The following NLGN1 variants were observed in gnomAD, a reference collection of about 807,000 sequenced individuals.
NLGN1 encodes neuroligin-1.
In NLGN1, 12 loss-of-function variants were observed where a neutral mutation model predicts 65.5. The ratio of observed to expected loss-of-function variants is 0.18; its 90% CI spans 0.12 to 0.30. The LOEUF is 0.30. NLGN1 is among the 10% of genes least tolerant of loss of function. The pLI is 1.00. For synonymous variants in NLGN1, 350 were observed against 359.5 expected (o/e 0.97, Z 0.30); for missense variants, 750 against 1,007.1 (o/e 0.74, Z 3.46).
At chr3:174,104,571 T>G (rs1369825901) in intron 4 of NLGN1, among the ~76,000 whole-genome samples, 1 of 152,122 alleles carries the variant, frequency 6.6e-6, no homozygotes, top group Non-Finnish European at 1.5e-5. Flanking sequence ...GTAGGAACAT[T>G]AAATGTAATC....
intron 2 of NLGN1, among the ~76,000 whole-genome samples, chr3:173,539,662 T>TGCACATATATACATATATGTGC (rs1738225896): frequency 2.6e-5 from 3 of 116,134 alleles, no homozygotes; most frequent in African/African-American, 1.3e-4. Context: ...CATATGTGTA[T>TGCACATATATACATATATGTGC]ATATGCACAT....
chr3:173,531,590 C>CACACACACACAT lies in NLGN1; in HGVS notation c.-320-72689_-320-72688insACACACACACAT, dbSNP rs760049826. 6.0e-3 allele frequency among the ~76,000 whole-genome samples: 914 copies of CACACACACACAT among 151,764 alleles called. 3 individuals are homozygous for CACACACACACAT. The highest frequency in any genetic ancestry group is 9.8e-3 in the Non-Finnish European group (667 of 67,878). On this transcript the variant is annotated intron_variant, in intron 2 of 6. Coordinates refer to ENST00000457714, the Ensembl canonical transcript of NLGN1. Reference sequence around the variant, plus strand: ...ACACACACACACACACACACACACACTTCTATGGAAATCATGTTATTAGTC... The same window carrying CACACACACACAT: ...ACACACACACACACACACACACACACACACACACACATTTCTATGGAAATCATGTTATTAGTC...
intron 4 of NLGN1, among the ~76,000 whole-genome samples, chr3:173,950,688 C>T (rs989848456): frequency 6.6e-6 from 1 of 150,770 alleles, no homozygotes; most frequent in South Asian, 2.1e-4. Context: ...TGGTGCACAC[C>T]TATAATCCCA....
At chr3:173,925,844 G>A (rs1369752553) in intron 4 of NLGN1, among the ~76,000 whole-genome samples, 1 of 151,990 alleles carries the variant, frequency 6.6e-6, no homozygotes, top group Admixed American at 6.6e-5. Flanking sequence ...TTAAGAAATA[G>A]AACATTACAG....
chr3:174,123,837 A>T (rs940197016), intron 4 of NLGN1, among the ~76,000 whole-genome samples: 20 of 152,104 alleles, frequency 1.3e-4, no homozygotes, highest in African/African-American at 4.3e-4. Context: ...TTATTAATAT[A>T]TCCTATGTAC....
chr3:173,719,633 C>T (rs1016869749), intron 3 of NLGN1, among the ~76,000 whole-genome samples: 1 of 152,094 alleles, frequency 6.6e-6, no homozygotes, highest in Non-Finnish European at 1.5e-5. Flanking sequence ...CAGTGTCCCA[C>T]AAAAAACCTC....
At chr3:173,541,448 T>G (rs1045505207) in intron 2 of NLGN1, among the ~76,000 whole-genome samples, 2 of 152,146 alleles carry the variant, frequency 1.3e-5, no homozygotes, top group African/African-American at 4.8e-5. Context: ...GGTAGGAACA[T>G]TAATATCATT....
intron 4 of NLGN1, among the ~76,000 whole-genome samples, chr3:174,124,784 C>G (rs1718592611): frequency 6.6e-6 from 1 of 151,350 alleles, no homozygotes; most frequent in Non-Finnish European, 1.5e-5. Context: ...TATGAATGAG[C>G]TAAATGCTGG....
At chr3:173,852,191 C>A (rs1186151683) in intron 4 of NLGN1, among the ~76,000 whole-genome samples, 1 of 150,518 alleles carries the variant, frequency 6.6e-6, no homozygotes, top group Non-Finnish European at 1.5e-5. Flanking sequence ...CCTGTCTCTA[C>A]TAAAAATACA....
intron 3 of NLGN1, among the ~76,000 whole-genome samples, chr3:173,611,377 T>A: frequency 6.6e-6 from 1 of 152,024 alleles, no homozygotes; most frequent in East Asian, 1.9e-4. Flanking sequence ...GAAAGAGTTA[T>A]TTTAGAATGG....
Position 174,120,332 on chromosome 3 carries a change from C to A in NLGN1, c.647-154983C>A, listed in dbSNP as rs1489135293. Among the ~76,000 whole-genome samples the A allele has an allele frequency of 4.0e-5, 6 of 149,042 alleles. No individual in the cohort carries two copies. The East Asian group carries it at 9.8e-4, about 24-fold the overall frequency. On this transcript the variant is annotated intron_variant, in intron 4 of 6. Transcript: ENST00000457714. The stretch of plus-strand genomic sequence containing the variant: ...AAAGCCCCATCTCTACTATAAATAT[C>A]TCTACTATAAATAAAAAAAAAAAAA...
intron 3 of NLGN1, among the ~76,000 whole-genome samples, chr3:173,733,178 G>A (rs1349567011): frequency 2.0e-5 from 3 of 152,048 alleles, no homozygotes; most frequent in African/African-American, 7.2e-5. Flanking sequence ...TTGTCTTCTT[G>A]GCTGATTGGA....
intron 4 of NLGN1, among the ~76,000 whole-genome samples, chr3:173,964,066 G>T (rs1036089636): frequency 6.6e-6 from 1 of 152,166 alleles, no homozygotes; most frequent in African/African-American, 2.4e-5. Context: ...ATGTGCCAGA[G>T]ATTAAAAGAT....
chr3:173,472,884 T>C (rs976260732), intron 2 of NLGN1, among the ~76,000 whole-genome samples: 1 of 152,168 alleles, frequency 6.6e-6, no homozygotes, highest in African/African-American at 2.4e-5. Flanking sequence ...GTGAATTGTT[T>C]TAATCTGCCC....
intron 3 of NLGN1, among the ~76,000 whole-genome samples, chr3:173,732,907 A>C (rs1016687076): frequency 6.6e-6 from 1 of 152,138 alleles, no homozygotes; most frequent in African/African-American, 2.4e-5. Flanking sequence ...AATAAAAATA[A>C]ACATTAGCAA....
At chr3:174,138,638 G>A (rs970400540) in intron 4 of NLGN1, among the ~76,000 whole-genome samples, 1 of 151,804 alleles carries the variant, frequency 6.6e-6, no homozygotes, top group African/African-American at 2.4e-5. Flanking sequence ...GTTTCACCGT[G>A]TTAGCCAGGA....
intron 2 of NLGN1, among the ~76,000 whole-genome samples, chr3:173,587,726 T>C (rs145722404): frequency 9.2e-5 from 14 of 152,282 alleles, no homozygotes; most frequent in African/African-American, 2.6e-4. Context: ...AAGCACAGTT[T>C]CTGATATAAG....
intron 4 of NLGN1, among the ~76,000 whole-genome samples, chr3:173,907,324 C>A (rs1002657762): frequency 6.6e-6 from 1 of 152,178 alleles, no homozygotes; most frequent in African/African-American, 2.4e-5. Context: ...TACCGTGAGG[C>A]ATCACTTAAA....
At chr3:173,442,065 T>G (rs1466770171) in intron 2 of NLGN1, among the ~76,000 whole-genome samples, 3 of 152,168 alleles carry the variant, frequency 2.0e-5, no homozygotes, top group African/African-American at 7.2e-5. Context: ...TCAAATTATG[T>G]AAAAATATGT....
Sources: allele counts gnomAD v4.1 joint callset (sites outside exome capture counted in the v4.1 genomes callset), GRCh38; gene constraint gnomAD v4.1.1; transcripts MANE v1.5; gene names NCBI Gene and HGNC (gene_info 2026-07-23, HGNC 2026-07-21).